PEX19: variants seen among roughly 807,000 people sequenced by gnomAD.
PEX19 encodes 33 kDa housekeeping protein.
A neutral mutation model predicts 36.3 loss-of-function variants in PEX19; 29 were observed. The observed-to-expected ratio is 0.80, with a 90% confidence interval of 0.60 to 1.09. The LOEUF is 1.09. Ranked by LOEUF, PEX19 falls within the 50% of genes least tolerant of loss-of-function variation. PEX19 has a pLI of 0.00. For missense variants in PEX19, 396 were observed against 368.1 expected, an observed-to-expected ratio of 1.08 and a Z score of -0.62; for synonymous variants, 141 against 135.2, an observed-to-expected ratio of 1.04 and a Z score of -0.30.
intron 1 of PEX19, chr1:160,284,039 C>A (rs1657896084): frequency 6.4e-6 from 3 of 471,322 alleles, no homozygotes; most frequent in Admixed American, 2.4e-5. Flanking sequence ...CACTCTGGAG[C>A]TCTAAAAGGA....
In PEX19 at chr1:160,283,035, C is replaced by T. The variant is rs150928521; in HGVS notation, c.255G>A (p.Ala85=). The T allele has an allele frequency of 7.8e-5, 126 of 1,614,194 alleles. No individual in the cohort carries two copies. The African/African-American group carries it at 1.5e-3, about 19-fold the overall frequency. ...FDSELASQAT[A]EFEKAMKELA... ...ACTCCTTCATTGCCTTCTCGAACTCCGCAGTGGCTTGGGAAGCCAGTTCAC... is the reference window on the plus strand; with the variant it reads ...ACTCCTTCATTGCCTTCTCGAACTCTGCAGTGGCTTGGGAAGCCAGTTCAC... Residue 85 remains alanine, a synonymous_variant, in exon 3 of 8, where the codon GCG becomes GCA. Transcript: ENST00000368072.
intron 3 of PEX19, 74 bp downstream of exon 3, chr1:160,282,870 G>C (rs1183062786): frequency 1.3e-6 from 2 of 1,496,402 alleles, no homozygotes; most frequent in Non-Finnish European, 1.9e-6. Flanking sequence ...ACTTCACTAA[G>C]AATTCTGGTG....
intron 5 of PEX19, 89 bp downstream of exon 5, chr1:160,281,950 T>C (rs1657786580): frequency 8.8e-7 from 1 of 1,131,726 alleles, no homozygotes; most frequent in Non-Finnish European, 1.3e-6. Flanking sequence ...CGAGTTACTC[T>C]TTCTGCAGGC....
rs1412685629 is a variant in PEX19, at chr1:160,277,365, A to G, written c.*2186T>C. ...GTGCTGTCAAACTTGCCGGGTCGGC[A>G]GCACACAGTGTGAACTCCATACCTG... On this transcript the variant is annotated 3_prime_UTR_variant, in exon 8 of 8. Transcript: ENST00000368072. The G allele has an allele frequency of 2.2e-6, 1 of 456,144 alleles. No individual in the cohort carries two copies. Among genetic ancestry groups the G allele is most frequent in the South Asian group, 1.5e-5 (1 of 64,564 alleles). The allele number at this position is 456,144 out of a possible 1,614,324, so 28.3% of individuals were successfully genotyped here.
chr1:160,279,573 C>T lies in PEX19; in HGVS notation c.878G>A (p.Gly293Asp), dbSNP rs139875266. 2 of 1,613,990 alleles carry T rather than the reference C, an allele frequency of 1.2e-6. No homozygotes were observed. Among genetic ancestry groups the T allele is most frequent in the Non-Finnish European group, 1.7e-6 (2 of 1,179,956 alleles). Residue 293 changes from glycine (G) to aspartate (D), a missense_variant, in exon 8 of 8, where the codon GGT becomes GAT. By Grantham distance (94) the Gly-to-Asp change is moderately conservative (BLOSUM62 -1). Transcript: ENST00000368072. ...GTTTCACATGATCAGACACTGTTCACCACTGGCACCTGGTGGGCCCGAAAG... is the reference window on the plus strand; with the variant it reads ...GTTTCACATGATCAGACACTGTTCATCACTGGCACCTGGTGGGCCCGAAAG... ...LNLSGPPGASGEQCLIM is the reference protein window; with the variant it reads ...LNLSGPPGASDEQCLIM
Position 160,278,834 on chromosome 1 carries a change from G to A in PEX19, c.*717C>T, listed in dbSNP as rs769740698. On this transcript the variant is annotated 3_prime_UTR_variant, in exon 8 of 8. Transcript: ENST00000368072. ...AGGAGGTAAAAGGGAGGATGGGCAGGGGATAGAGGAAGGTCAGGGGCTGGG... is the reference window on the plus strand; with the variant it reads ...AGGAGGTAAAAGGGAGGATGGGCAGAGGATAGAGGAAGGTCAGGGGCTGGG... 1 of 454,072 alleles carries A rather than the reference G, an allele frequency of 2.2e-6. No homozygotes were observed. Among genetic ancestry groups the A allele is most frequent in the South Asian group, 1.6e-5 (1 of 64,476 alleles). The allele number at this position is 454,072 out of a possible 1,614,324, so 28.1% of individuals were successfully genotyped here.
rs766006269 is a variant in PEX19 at position 160,282,032 on chromosome 1, C to T, written c.594+7G>A. On this transcript the variant is annotated splice_region_variant and intron_variant, in intron 5 of 7. Transcript: ENST00000368072. The stretch of plus-strand genomic sequence containing the variant: ...AAGAGAAAAAGCAGAAATGGAAGTT[C>T]ACAAACCTTTTCTGTGATCTCCTTC... The T allele has an allele frequency of 1.2e-6, 2 of 1,613,278 alleles. No individual in the cohort carries two copies. The highest frequency in any genetic ancestry group is 2.2e-5 in the South Asian group (2 of 91,048).
chr1:160,280,094 C>T lies in PEX19; in HGVS notation c.747G>A (p.Glu249=). The part of the protein sequence containing the change: ...DSETTQKARF[E]MVLDLMQQLQ... ...CCTGCTGCATAAGATCCAGCACCAT[C>T]TCAAAACGAGCCTTTTGAGTGGTTT... Residue 249 remains glutamate (E), a synonymous_variant, in exon 6 of 8, where the codon GAG becomes GAA. Coordinates refer to ENST00000368072, the MANE Select transcript of PEX19 (RefSeq NM_002857.4). The T allele has an allele frequency of 6.2e-7, 1 of 1,613,946 alleles. No homozygotes were observed. Among genetic ancestry groups the T allele is most frequent in the Non-Finnish European group, 8.5e-7 (1 of 1,179,830 alleles).
intron 3 of PEX19, chr1:160,282,715 C>T: frequency 1.5e-6 from 1 of 675,464 alleles, no homozygotes; most frequent in Non-Finnish European, 2.6e-6. Context: ...CCCACAATAA[C>T]ACTGTGACCT....
rs763784930 is a variant in PEX19 at position 160,278,903 on chromosome 1, ATT to A, written c.*646_*647del. 4.4e-6 allele frequency: 2 copies of A among 453,958 alleles called. No individual in the cohort carries two copies. Among genetic ancestry groups the A allele is most frequent in the South Asian group, 1.6e-5 (1 of 64,482 alleles). 28.1% of individuals were successfully genotyped at this position (453,958 alleles called of 1,614,324 possible). A position where few individuals can be genotyped will look rare whatever the true frequency, so the allele number is the denominator to read the frequency against. On this transcript the variant is annotated 3_prime_UTR_variant, in exon 8 of 8. Transcript: ENST00000368072. ...CATTGTAGGAAGAAGCAGGGTAACC[ATT>A]TGAGTTCTCAGCCTGGAACAGGGAG... is the stretch of plus-strand genomic sequence containing the variant.
In PEX19 at chr1:160,282,762, T is replaced by C. The variant is rs1657828776; in HGVS notation, c.346+182A>G. The C allele has an allele frequency of 3.0e-5, 22 of 730,192 alleles. No homozygotes were observed. The South Asian group carries it at 3.2e-4, about 11-fold the overall frequency. The allele number at this position is 730,192 out of a possible 1,614,324, so 45.2% of individuals were successfully genotyped here. A position where few individuals can be genotyped will look rare whatever the true frequency, so the allele number is the denominator to read the frequency against. On this transcript the variant is annotated intron_variant, in intron 3 of 7. Transcript: ENST00000368072. ...AGTTTTGAATAATGTTTTCTATTAC[T>C]TTCCAACCTATCTCACCCCTTTTCA...
chr1:160,280,025 C>T (rs767394377), intron 6 of PEX19, 45 bp downstream of exon 6: 1 of 1,570,786 alleles, frequency 6.4e-7, no homozygotes, highest in Non-Finnish European at 8.8e-7. Context: ...CTTCACTGAA[C>T]ACCTAAGTGG....
At chr1:160,282,565 G>T in intron 3 of PEX19, 63 bp from the exon 4 acceptor site, 1 of 1,250,736 alleles carries the variant, frequency 8.0e-7, no homozygotes, top group Non-Finnish European at 1.2e-6. Context: ...GACTGAACTG[G>T]TTAACAGCTT....
intron 5 of PEX19, among the ~76,000 whole-genome samples, chr1:160,280,876 T>C (rs1005756064): frequency 2.0e-5 from 3 of 152,162 alleles, no homozygotes; most frequent in African/African-American, 7.2e-5. Flanking sequence ...AAAACCATTA[T>C]TTGCTAGAGA....
At position 160,277,891 on chromosome 1, in the gene PEX19, T is replaced by C; in HGVS notation, c.*1660A>G. 2 of 670,702 alleles carry C rather than the reference T, an allele frequency of 3.0e-6. No homozygotes were observed. Among genetic ancestry groups the C allele is most frequent in the Non-Finnish European group, 5.4e-6 (2 of 367,186 alleles). The allele number at this position is 670,702 out of a possible 1,614,324, so 41.5% of individuals were successfully genotyped here. ...CGTTTTACATTCAGATCTGGGCTCTTCCATGCTCTGGTAAGGTATAGGAGT... is the reference window on the plus strand; with the variant it reads ...CGTTTTACATTCAGATCTGGGCTCTCCCATGCTCTGGTAAGGTATAGGAGT... On this transcript the variant is annotated 3_prime_UTR_variant, in exon 8 of 8. Transcript: ENST00000368072.
In PEX19 at chr1:160,277,823, C is replaced by G; in HGVS notation, c.*1728G>C. On this transcript the variant is annotated 3_prime_UTR_variant, in exon 8 of 8. Transcript: ENST00000368072. ...TGACACTGAAGCCCCATGACTATAT[C>G]ACAAGTATACCTGTATTTTTTCCAT... 1 of 552,314 alleles carries G rather than the reference C, an allele frequency of 1.8e-6. No homozygotes were observed. The highest frequency in any genetic ancestry group is 3.4e-6 in the Non-Finnish European group (1 of 292,468). The allele number at this position is 552,314 out of a possible 1,614,324, so 34.2% of individuals were successfully genotyped here. A position where few individuals can be genotyped will look rare whatever the true frequency, so the allele number is the denominator to read the frequency against.
intron 4 of PEX19, 97 bp downstream of exon 4, chr1:160,282,320 G>C (rs187570304): frequency 2.8e-6 from 4 of 1,411,766 alleles, no homozygotes; most frequent in Non-Finnish European, 4.0e-6. Flanking sequence ...GACAGCAACA[G>C]ACTTGGGATG....
chr1:160,281,550 C>G (rs970530287), intron 5 of PEX19, among the ~76,000 whole-genome samples: 13 of 152,276 alleles, frequency 8.5e-5, no homozygotes, highest in South Asian at 8.3e-4. Context: ...CGATCACAGG[C>G]GTGAGCCACT....
At chr1:160,280,470 A>G (rs1487590176) in intron 5 of PEX19, among the ~76,000 whole-genome samples, 3 of 152,064 alleles carry the variant, frequency 2.0e-5, no homozygotes, top group African/African-American at 7.2e-5. Flanking sequence ...AGGGCCAGAC[A>G]GTGAATATTT....
Sources: gnomAD v4.1 joint callset for allele counts (sites outside exome capture counted in the v4.1 genomes callset) on GRCh38, gnomAD v4.1.1 for gene constraint, MANE v1.5 for transcripts, NCBI Gene and HGNC (gene_info 2026-07-23, HGNC 2026-07-21) for gene names.